CLVS1: variants seen among roughly 807,000 people sequenced by gnomAD.
The protein encoded by CLVS1 is clavesin 1, also known as clavesin-1.
CLVS1 carries 10 observed loss-of-function variants against 33.1 expected under a neutral mutation model. The ratio of observed to expected loss-of-function variants is 0.30; its 90% CI spans 0.19 to 0.51. The LOEUF is 0.51. Ranked by LOEUF, CLVS1 falls within the 20% of genes least tolerant of loss-of-function variation. The probability of loss-of-function intolerance (pLI) is 0.97; values close to 1 mark genes in which losing one functional copy is unlikely to be tolerated. For synonymous variants in CLVS1, 163 were observed against 166.1 expected (o/e 0.98, Z 0.14); for missense variants, 343 against 433.4 (o/e 0.79, Z 1.85).
chr8:61,027,122 G>A, the CLVS1 span, among the ~76,000 whole-genome samples: 3 of 152,124 alleles, frequency 2.0e-5, no homozygotes, highest in African/African-American at 7.2e-5. Flanking sequence ...ATCATCTCAT[G>A]CCTATCCCAA....
chr8:61,221,303 T>C (rs1458957499), intron 2 of CLVS1, among the ~76,000 whole-genome samples: 3 of 152,202 alleles, frequency 2.0e-5, no homozygotes, highest in Non-Finnish European at 4.4e-5. Flanking sequence ...CCATTCAGTA[T>C]GATATTGGCT....
chr8:61,423,602 G>T (rs1023201369), intron 3 of CLVS1, among the ~76,000 whole-genome samples: 1 of 152,078 alleles, frequency 6.6e-6, no homozygotes, highest in South Asian at 2.1e-4. Flanking sequence ...AATGAAGAGC[G>T]CCCTAAATCT....
upstream of CLVS1, chr8:61,287,895 G>C (rs1195887868): frequency 2.9e-6 from 1 of 347,510 alleles, no homozygotes; most frequent in Non-Finnish European, 5.7e-6. Context: ...ACCAGGGAGG[G>C]TTGTGGTACG....
rs192859417 is a variant in CLVS1 at position 61,304,347 on chromosome 8, A to G, written c.455+4065A>G. On this transcript the variant is annotated intron_variant, in intron 2 of 5. Coordinates refer to ENST00000325897, the MANE Select transcript of CLVS1 (RefSeq NM_173519.3). ...GGGTTCAACATGGCAACCGAGGCAT[A>G]GGCAGTGCCTGGGCTACCTGAGCAT... 2.2e-3 allele frequency among the ~76,000 whole-genome samples: 328 copies of G among 152,360 alleles called. 1 individual carries two copies. Among genetic ancestry groups the G allele is most frequent in the African/African-American group, 7.5e-3 (312 of 41,594 alleles).
At chr8:61,232,041 T>TTTTTTTTTTG (rs1808455624) in intron 2 of CLVS1, among the ~76,000 whole-genome samples, 1 of 116,018 alleles carries the variant, frequency 8.6e-6, no homozygotes, top group South Asian at 2.8e-4. Context: ...TTTTTTTTTT[T>TTTTTTTTTTG]TTTTTTTTTG....
the CLVS1 span, among the ~76,000 whole-genome samples, chr8:60,999,765 C>T: frequency 2.0e-5 from 3 of 152,116 alleles, no homozygotes; most frequent in Non-Finnish European, 2.9e-5. Flanking sequence ...TCAAAAATGG[C>T]GGAAGAGAGT....
At chr8:61,401,861 A>G (rs1814777803) in intron 3 of CLVS1, among the ~76,000 whole-genome samples, 1 of 152,162 alleles carries the variant, frequency 6.6e-6, no homozygotes, top group Non-Finnish European at 1.5e-5. Context: ...GGTAATTTCA[A>G]AAAATATGTA....
chr8:61,006,761 C>G, the CLVS1 span, among the ~76,000 whole-genome samples: 1 of 152,212 alleles, frequency 6.6e-6, no homozygotes, highest in South Asian at 2.1e-4. Flanking sequence ...TGCTCTGTTT[C>G]TCTTGTTCCC....
chr8:61,092,470 C>T (rs192931342), intron 1 of CLVS1, among the ~76,000 whole-genome samples: 1 of 152,338 alleles, frequency 6.6e-6, no homozygotes, highest in East Asian at 1.9e-4. Context: ...AATTTACTGT[C>T]TTATAGCTCT....
chr8:61,267,981 C>G (rs907756922), intron 2 of CLVS1, among the ~76,000 whole-genome samples: 1 of 151,958 alleles, frequency 6.6e-6, no homozygotes, highest in African/African-American at 2.4e-5. Flanking sequence ...CATTCATGGG[C>G]CCTGCTGGAT....
At chr8:61,223,525 T>C (rs1194727037) in intron 2 of CLVS1, among the ~76,000 whole-genome samples, 1 of 152,204 alleles carries the variant, frequency 6.6e-6, no homozygotes, top group Non-Finnish European at 1.5e-5. Context: ...TTCTGGCTTG[T>C]AGGGTTTCTG....
At chr8:61,331,429 T>G (rs1451836170) in intron 2 of CLVS1, among the ~76,000 whole-genome samples, 1 of 152,060 alleles carries the variant, frequency 6.6e-6, no homozygotes, top group Non-Finnish European at 1.5e-5. Context: ...TTTATTTCTT[T>G]GTGAAATTCC....
chr8:61,002,371 C>T, the CLVS1 span, among the ~76,000 whole-genome samples: 1 of 142,352 alleles, frequency 7.0e-6, no homozygotes, highest in African/African-American at 2.6e-5. Flanking sequence ...GCTCTTTTGC[C>T]AAGGCTAGAG....
chr8:61,352,856 T>C (rs998099732), intron 2 of CLVS1, among the ~76,000 whole-genome samples: 1 of 152,014 alleles, frequency 6.6e-6, no homozygotes, highest in African/African-American at 2.4e-5. Flanking sequence ...ACATAGCATT[T>C]ACATAGCATT....
intron 2 of CLVS1, among the ~76,000 whole-genome samples, chr8:61,177,800 A>G (rs549942057): frequency 3.5e-4 from 44 of 125,820 alleles, no homozygotes; most frequent in African/African-American, 1.5e-3. Flanking sequence ...CAACAACAGC[A>G]TCAAAAAAAA....
In CLVS1 at chr8:61,087,163, G is replaced by A. The variant is rs1805141589; in HGVS notation, c.-243+29933G>A. Among the ~76,000 whole-genome samples, 6 of 152,284 alleles carry A rather than the reference G, an allele frequency of 3.9e-5. 1 individual carries two copies. On this transcript the variant is annotated intron_variant, in intron 1 of 2. Transcript: ENST00000522621. ...GACAGGACAAGAGAGAATGAAGTTG[G>A]GACAAGGAGACATGAATGTTTCCTG...
intron 3 of CLVS1, among the ~76,000 whole-genome samples, chr8:61,433,042 C>A (rs1001492273): frequency 6.6e-5 from 10 of 152,228 alleles, no homozygotes; most frequent in African/African-American, 2.2e-4. Flanking sequence ...CAGCCTCAAC[C>A]TCCCAGGTTC....
chr8:61,491,291 G>C (rs1437721269), intron 5 of CLVS1, among the ~76,000 whole-genome samples: 1 of 152,154 alleles, frequency 6.6e-6, no homozygotes, highest in Non-Finnish European at 1.5e-5. Context: ...TTTTACATGG[G>C]ATCAGAGTAG....
intron 2 of CLVS1, among the ~76,000 whole-genome samples, chr8:61,146,608 A>G (rs1425948366): frequency 2.6e-5 from 4 of 152,254 alleles, no homozygotes; most frequent in Non-Finnish European, 5.9e-5. Context: ...TAATATTCAT[A>G]TTAGAAAAAC....
Sources: gnomAD v4.1 joint callset for allele counts (sites outside exome capture counted in the v4.1 genomes callset) on GRCh38, gnomAD v4.1.1 for gene constraint, MANE v1.5 for transcripts, NCBI Gene and HGNC (gene_info 2026-07-23, HGNC 2026-07-21) for gene names.